Variants in CDC42BPA observed in about 807,000 individuals in gnomAD.
CDC42BPA encodes CDC42 binding protein kinase alpha.
Under a neutral mutation model 223.5 loss-of-function variants are expected in CDC42BPA, and 80 were observed. The observed-to-expected ratio is 0.36, with a 90% CI of 0.30 to 0.43. CDC42BPA has a LOEUF of 0.43. CDC42BPA is among the 20% of genes least tolerant of loss of function. CDC42BPA has a pLI of 1.00. For synonymous variants in CDC42BPA, 694 were observed against 718.6 expected (o/e 0.97, Z 0.55); for missense variants, 1,743 against 2,099.9 (o/e 0.83, Z 3.32).
intron 34 of CDC42BPA, among the ~76,000 whole-genome samples, chr1:227,008,035 T>A (rs149415986): frequency 6.6e-6 from 1 of 152,226 alleles, no homozygotes; most frequent in Non-Finnish European, 1.5e-5. Context: ...AGCAGGCATA[T>A]GGTTCCCTAG....
At chr1:227,152,928 T>G (rs1316593407) in intron 6 of CDC42BPA, among the ~76,000 whole-genome samples, 1 of 152,048 alleles carries the variant, frequency 6.6e-6, no homozygotes, top group Admixed American at 6.5e-5. Context: ...TACAGTAATA[T>G]CAATTAAATA....
intron 12 of CDC42BPA, among the ~76,000 whole-genome samples, chr1:227,116,326 T>C (rs1229129507): frequency 1.3e-5 from 2 of 152,124 alleles, no homozygotes; most frequent in East Asian, 1.9e-4. Context: ...ATCATATCAA[T>C]AGAGCACAGA....
chr1:227,299,601 G>C (rs1691280333), intron 1 of CDC42BPA, among the ~76,000 whole-genome samples: 1 of 152,056 alleles, frequency 6.6e-6, no homozygotes, highest in Admixed American at 6.5e-5. Context: ...TCTCAGCAAA[G>C]ACATTAAATT....
chr1:227,233,319 G>A (rs1045488514), intron 2 of CDC42BPA, among the ~76,000 whole-genome samples: 4 of 152,112 alleles, frequency 2.6e-5, no homozygotes, highest in African/African-American at 4.8e-5. Context: ...TTACAGGCAT[G>A]AGCCACCACG....
intron 14 of CDC42BPA, 35 bp downstream of exon 14, chr1:227,112,277 C>T (rs2458521): frequency 0.26 from 329,262 of 1,262,286 alleles, 44,821 homozygotes; most frequent in African/African-American, 0.35. Context: ...AGAAGAAAAT[C>T]AATTAAGCTT....
chr1:226,999,466 G>A (rs536397647), intron 35 of CDC42BPA, among the ~76,000 whole-genome samples: 31 of 152,188 alleles, frequency 2.0e-4, no homozygotes, highest in East Asian at 3.9e-4. Flanking sequence ...CTGAGCCACC[G>A]CGCCCAGCCT....
At chr1:227,094,788 A>G (rs1017419781) in intron 15 of CDC42BPA, among the ~76,000 whole-genome samples, 4 of 152,182 alleles carry the variant, frequency 2.6e-5, no homozygotes, top group African/African-American at 9.7e-5. Flanking sequence ...TGGACTTTGG[A>G]CCCAATAGTG....
chr1:227,179,906 A>G (rs1262764314), intron 5 of CDC42BPA, among the ~76,000 whole-genome samples: 2 of 152,034 alleles, frequency 1.3e-5, no homozygotes, highest in Admixed American at 6.6e-5. Context: ...TTTTTAGATC[A>G]TTTTTTAAAA....
In CDC42BPA at chr1:227,317,683, G is replaced by C; in HGVS notation, c.-501C>G. The stretch of plus-strand genomic sequence containing the variant: ...AGGAAAAAAACAGAATGCATAGAAG[G>C]GGGAGGGAAAACCAAAAATGTTGCT... On this transcript the variant is annotated 5_prime_UTR_variant, in exon 1 of 37. Transcript: ENST00000366766. The C allele has an allele frequency of 2.5e-6, 1 of 398,490 alleles. No individual in the cohort carries two copies. The highest frequency in any genetic ancestry group is 4.4e-6 in the Non-Finnish European group (1 of 226,086). 24.7% of individuals were successfully genotyped at this position (398,490 alleles called of 1,614,324 possible).
At chr1:227,179,635 C>CAAAAAAAA (rs59744442) in intron 5 of CDC42BPA, among the ~76,000 whole-genome samples, 1,075 of 34,240 alleles carry the variant, frequency 0.031, 307 homozygotes, top group Non-Finnish European at 0.045. Flanking sequence ...GCCTCCATCT[C>CAAAAAAAA]AAAAAAAAAA....
intron 1 of CDC42BPA, among the ~76,000 whole-genome samples, chr1:227,297,462 G>A (rs576506407): frequency 2.0e-4 from 30 of 152,072 alleles, no homozygotes; most frequent in Non-Finnish European, 4.1e-4. Flanking sequence ...TAAAAATAGG[G>A]ACTCAAACAG....
intron 32 of CDC42BPA, among the ~76,000 whole-genome samples, chr1:227,020,651 GAC>G (rs934721348): frequency 3.2e-4 from 48 of 152,184 alleles, no homozygotes; most frequent in African/African-American, 1.1e-3. Flanking sequence ...TGTTGCGGCT[GAC>G]AGTCTCTCCA....
intron 16 of CDC42BPA, among the ~76,000 whole-genome samples, chr1:227,089,524 C>T (rs886085925): frequency 3.9e-5 from 6 of 151,992 alleles, no homozygotes; most frequent in African/African-American, 7.3e-5. Context: ...AAATACTGCC[C>T]TGTAACCACT....
rs377082727 is a variant in CDC42BPA at position 227,029,000 on chromosome 1, A to G, written c.4089T>C (p.Tyr1363=). The change falls in exon 30 of 37, where the codon TAT becomes TAC. Residue 1363 remains tyrosine (Y), a synonymous_variant. Transcript: ENST00000366766. ...CVAMKRQVLC[Y]ELFQSKTRHR... is the part of the protein sequence containing the mutation. ...GACGGGTCTTGCTCTGAAATAGTTCATAACAGAGGACCTGCCTTTTCATAG... is the reference window on the plus strand; with the variant it reads ...GACGGGTCTTGCTCTGAAATAGTTCGTAACAGAGGACCTGCCTTTTCATAG... 4.5e-5 allele frequency: 73 copies of G among 1,614,090 alleles called. 1 individual carries two copies. The highest frequency in any genetic ancestry group is 2.9e-4 in the South Asian group (26 of 91,084).
At chr1:227,080,271 T>C (rs895395796) in intron 17 of CDC42BPA, among the ~76,000 whole-genome samples, 8 of 152,156 alleles carry the variant, frequency 5.3e-5, no homozygotes, top group African/African-American at 1.9e-4. Flanking sequence ...CTTCATTAGA[T>C]TCTACTTTCC....
At chr1:227,272,727 T>C (rs376335691) in intron 1 of CDC42BPA, among the ~76,000 whole-genome samples, 1 of 152,180 alleles carries the variant, frequency 6.6e-6, no homozygotes, top group African/African-American at 2.4e-5. Flanking sequence ...GGCCCTGTAA[T>C]TTCAAAAATA....
At chr1:227,309,829 G>A (rs185344107) in intron 1 of CDC42BPA, among the ~76,000 whole-genome samples, 1 of 152,234 alleles carries the variant, frequency 6.6e-6, no homozygotes, top group East Asian at 1.9e-4. Flanking sequence ...GACAGCAGTG[G>A]TTCATTATGA....
intron 1 of CDC42BPA, among the ~76,000 whole-genome samples, chr1:227,280,875 G>C (rs1687908404): frequency 6.6e-6 from 1 of 152,178 alleles, no homozygotes. Flanking sequence ...TCTCTTCTAA[G>C]GTAAGCATGC....
At chr1:227,261,634 C>T (rs1172169379) in intron 1 of CDC42BPA, among the ~76,000 whole-genome samples, 1 of 152,000 alleles carries the variant, frequency 6.6e-6, no homozygotes, top group African/African-American at 2.4e-5. Flanking sequence ...ATAATCAAAA[C>T]TTTAAACACA....
Sources: gnomAD v4.1 joint callset for allele counts (sites outside exome capture counted in the v4.1 genomes callset) on GRCh38, gnomAD v4.1.1 for gene constraint, MANE v1.5 for transcripts, NCBI Gene and HGNC (gene_info 2026-07-23, HGNC 2026-07-21) for gene names.